Variants in GRTP1 observed in about 807,000 individuals in gnomAD.
GRTP1 encodes the protein growth hormone-regulated TBC protein 1.
In GRTP1, 56 loss-of-function variants were observed where a neutral mutation model predicts 38.1. The ratio of observed to expected loss-of-function variants is 1.47; its 90% CI spans 1.19 to 1.84. The LOEUF is 1.84. GRTP1 is among the 40% of genes most tolerant of loss of function. The probability of loss-of-function intolerance (pLI) is 0.00; values close to 1 mark genes in which losing one functional copy is unlikely to be tolerated. For missense variants in GRTP1, 506 were observed against 453.9 expected (o/e 1.11, Z -1.04); for synonymous variants, 217 against 189.5 (o/e 1.14, Z -1.19).
intron 4 of GRTP1, among the ~76,000 whole-genome samples, chr13:113,346,646 G>A (rs36176659): frequency 0.85 from 407 of 478 alleles, 190 homozygotes; most frequent in African/African-American, 0.88. Flanking sequence ...GGCTGAGAGC[G>A]GACCTGGGAG....
At chr13:113,327,115 T>C (rs1023178869) in intron 5 of GRTP1, among the ~76,000 whole-genome samples, 4 of 152,242 alleles carry the variant, frequency 2.6e-5, no homozygotes, top group Non-Finnish European at 5.9e-5. Context: ...AATGGACATT[T>C]GTCTTACCAA....
intron 2 of GRTP1, among the ~76,000 whole-genome samples, chr13:113,363,311 G>C (rs2043532935): frequency 6.6e-6 from 1 of 152,204 alleles, no homozygotes; most frequent in Non-Finnish European, 1.5e-5. Context: ...GGGTTCAAGC[G>C]ATTCTCCTGC....
intron 5 of GRTP1, among the ~76,000 whole-genome samples, chr13:113,335,533 C>G (rs1359924467): frequency 6.6e-6 from 1 of 152,162 alleles, no homozygotes; most frequent in Admixed American, 6.5e-5. Context: ...ATACATGTTA[C>G]TGTTACCTAT....
Position 113,330,410 on chromosome 13 carries a change from A to ACCCGGGTGTGTGCATGGGAG in GRTP1, c.563-4339_563-4320dup, listed in dbSNP as rs1177997110. ...TGGAAGCCCAGGTGTGTGCATGGAA[A>ACCCGGGTGTGTGCATGGGAG]CCCGGGTGTGTGCATGGGAGCCCGG... On this transcript the variant is annotated intron_variant, in intron 5 of 7. Coordinates refer to ENST00000375431, the MANE Select transcript of GRTP1 (RefSeq NM_024719.4). Among the ~76,000 whole-genome samples the ACCCGGGTGTGTGCATGGGAG allele has an allele frequency of 3.2e-3, 302 of 93,580 alleles. 7 individuals are homozygous for ACCCGGGTGTGTGCATGGGAG. The highest frequency in any genetic ancestry group is 4.8e-3 in the Non-Finnish European group (225 of 47,078). 61.4% of individuals were successfully genotyped at this position (93,580 alleles called of 152,430 possible).
In GRTP1 at chr13:113,348,386, G is replaced by C. The variant is rs954885598; in HGVS notation, c.465+2463C>G. On this transcript the variant is annotated intron_variant, in intron 4 of 7. Transcript: ENST00000375431. The surrounding 1 kb of genome is among the most constrained non-coding windows in gnomAD (Gnocchi z 4.8). Reference sequence around the variant, plus strand: ...AAATCGCTTGAGCAAAGGAGGTTGAGGCTGCAGTGAGCCGAGATCACGCCA... The same window carrying C: ...AAATCGCTTGAGCAAAGGAGGTTGACGCTGCAGTGAGCCGAGATCACGCCA... Among the ~76,000 whole-genome samples, 6 of 152,156 alleles carry C rather than the reference G, an allele frequency of 3.9e-5. No individual in the cohort carries two copies. The highest frequency in any genetic ancestry group is 1.3e-4 in the Admixed American group (2 of 15,276).
chr13:113,341,924 G>T (rs887842457), intron 5 of GRTP1, among the ~76,000 whole-genome samples: 77 of 152,070 alleles, frequency 5.1e-4, no homozygotes, highest in African/African-American at 1.7e-3. Context: ...CAGATGCTGG[G>T]ATTATATGTG....
chr13:113,358,486 T>C (rs2043436476), intron 2 of GRTP1, among the ~76,000 whole-genome samples: 1 of 152,188 alleles, frequency 6.6e-6, no homozygotes, highest in African/African-American at 2.4e-5. Context: ...ATTCTAAACT[T>C]TATATGCAAA....
At position 113,325,394 on chromosome 13, in the gene GRTP1, C is replaced by T. The variant is rs921167528; in HGVS notation, c.921+267G>A. 4.9e-6 allele frequency: 7 copies of T among 1,432,582 alleles called. No homozygotes were observed. The African/African-American group carries it at 1.0e-4, about 21-fold the overall frequency. The allele number at this position is 1,432,582 out of a possible 1,614,324, so 88.7% of individuals were successfully genotyped here. A position where few individuals can be genotyped will look rare whatever the true frequency, so the allele number is the denominator to read the frequency against. ...GGGCCTCGGGAAGCCACACTTCTGG[C>T]ACCACACACAGCAGATGAGTACAGC... On this transcript the variant is annotated intron_variant, in intron 7 of 7. Coordinates refer to ENST00000375431, the MANE Select transcript of GRTP1 (RefSeq NM_024719.4).
In GRTP1 at chr13:113,343,019, A is replaced by G. The variant is rs2043047310; in HGVS notation, c.562+1844T>C. Among the ~76,000 whole-genome samples, 1 of 151,848 alleles carries G rather than the reference A, an allele frequency of 6.6e-6. No homozygotes were observed. The highest frequency in any genetic ancestry group is 1.5e-5 in the Non-Finnish European group (1 of 67,968). ...CTGCTGCTTGAGGTCTGCCCTCCAC[A>G]AAGACAGGAACTCGTGTGTGCTCAC... On this transcript the variant is annotated intron_variant, in intron 5 of 7. Coordinates refer to ENST00000375431, the MANE Select transcript of GRTP1 (RefSeq NM_024719.4). This position sits in a 1 kb window ranked among gnomAD's most constrained non-coding sequence, Gnocchi z 4.8.
intron 4 of GRTP1, 115 bp downstream of exon 4, chr13:113,350,734 G>A (rs977021010): frequency 2.1e-5 from 21 of 1,014,234 alleles, no homozygotes; most frequent in East Asian, 5.5e-5. Flanking sequence ...GCATCAGGAC[G>A]TGGAATTCAT....
chr13:113,339,816 G>A (rs2043002101), intron 5 of GRTP1: 1 of 152,044 alleles, frequency 6.6e-6, no homozygotes, highest in South Asian at 2.1e-4. Flanking sequence ...GCCATCCTTG[G>A]ATTTCTGGAA....
At chr13:113,336,908 G>A (rs2042962871) in intron 5 of GRTP1, among the ~76,000 whole-genome samples, 1 of 152,220 alleles carries the variant, frequency 6.6e-6, no homozygotes, top group Non-Finnish European at 1.5e-5. Flanking sequence ...TCCAGAAAAG[G>A]TGCAGAGAAG....
chr13:113,330,293 T>C (rs1171267071), intron 5 of GRTP1, among the ~76,000 whole-genome samples: 224 of 39,888 alleles, frequency 5.6e-3, no homozygotes, highest in Admixed American at 0.01. Context: ...GCGTGGAAAC[T>C]CAGGTGCGTG....
intron 5 of GRTP1, among the ~76,000 whole-genome samples, chr13:113,331,332 G>A (rs1040726893): frequency 6.6e-6 from 1 of 152,188 alleles, no homozygotes; most frequent in Non-Finnish European, 1.5e-5. Context: ...GGGGGCTCAG[G>A]GGCGGCTGCT....
In GRTP1 at chr13:113,326,393, G is replaced by A. The variant is rs1368708608; in HGVS notation, c.563-302C>T. On this transcript the variant is annotated intron_variant, in intron 5 of 7. Coordinates refer to ENST00000375431, the MANE Select transcript of GRTP1 (RefSeq NM_024719.4). ...GTGGCGCGGTGGGGGGGGGGGGGGC[G>A]GGAGCGTGGCTCACACCTGTAATCC... 2.3e-4 allele frequency among the ~76,000 whole-genome samples: 9 copies of A among 39,440 alleles called. 1 individual carries two copies. Among genetic ancestry groups the A allele is most frequent in the African/African-American group, 1.3e-3 (9 of 6,834 alleles). 25.9% of individuals were successfully genotyped at this position (39,440 alleles called of 152,430 possible). A position where few individuals can be genotyped will look rare whatever the true frequency, so the allele number is the denominator to read the frequency against.
chr13:113,328,372 A>G (rs1460827631), intron 5 of GRTP1, among the ~76,000 whole-genome samples: 1 of 152,202 alleles, frequency 6.6e-6, no homozygotes, highest in Non-Finnish European at 1.5e-5. Flanking sequence ...GCGTCTGCAC[A>G]TGGCTGTGGC....
rs1362124259 is a variant in GRTP1, at chr13:113,325,864, C to T, written c.736-18G>A. The T allele has an allele frequency of 1.9e-6, 3 of 1,613,804 alleles. No homozygotes were observed. The highest frequency in any genetic ancestry group is 1.7e-5 in the Admixed American group (1 of 59,970). On this transcript the variant is annotated intron_variant, in intron 6 of 7. Coordinates refer to ENST00000375431, the MANE Select transcript of GRTP1 (RefSeq NM_024719.4). ...AGCACTGTCTGCAGAGACATGGGAACCCGGTGTCACTCCCTGGCGGCCCGC... is the reference window on the plus strand; with the variant it reads ...AGCACTGTCTGCAGAGACATGGGAATCCGGTGTCACTCCCTGGCGGCCCGC...
intron 5 of GRTP1, among the ~76,000 whole-genome samples, chr13:113,334,383 A>G (rs1214841528): frequency 6.6e-6 from 1 of 150,920 alleles, no homozygotes. Flanking sequence ...AGCTGCAAAG[A>G]TAAAGGAATC....
chr13:113,359,793 A>G (rs1231002158), intron 2 of GRTP1: 2 of 152,208 alleles, frequency 1.3e-5, no homozygotes, highest in African/African-American at 4.8e-5. Context: ...AGCTTCACGG[A>G]ACAAAGAATT....
Sources: allele counts gnomAD v4.1 joint callset (sites outside exome capture counted in the v4.1 genomes callset), GRCh38; gene constraint gnomAD v4.1.1; non-coding constraint Gnocchi (gnomAD v3.1); transcripts MANE v1.5; gene names NCBI Gene and HGNC (gene_info 2026-07-23, HGNC 2026-07-21).